The following PAFAH1B1 variants were observed in gnomAD, a reference collection of about 807,000 sequenced individuals.
The protein encoded by PAFAH1B1 is platelet activating factor acetylhydrolase 1b regulatory subunit 1.
Under a neutral mutation model 57.5 loss-of-function variants are expected in PAFAH1B1, and 2 were observed. The ratio of observed to expected loss-of-function variants is 0.03; its 90% confidence interval spans 0.01 to 0.11. The LOEUF is 0.11. Ranked by LOEUF, PAFAH1B1 falls within the 10% of genes least tolerant of loss-of-function variation. The pLI, the probability that PAFAH1B1 is intolerant of heterozygous loss-of-function variation, is 1.00. For synonymous variants in PAFAH1B1, 152 were observed against 169.6 expected, an observed-to-expected ratio of 0.90 and a Z score of 0.81; for missense variants, 257 against 512.0, an observed-to-expected ratio of 0.50 and a Z score of 4.81.
chr17:2,638,215 G>C lies in PAFAH1B1; in HGVS notation c.-74G>C. 1 of 1,223,046 alleles carries C rather than the reference G, an allele frequency of 8.2e-7. No homozygotes were observed. The highest frequency in any genetic ancestry group is 1.2e-6 in the Non-Finnish European group (1 of 832,948). 75.8% of individuals were successfully genotyped at this position (1,223,046 alleles called of 1,614,324 possible). On this transcript the variant is annotated 5_prime_UTR_variant, in exon 2 of 11. Transcript: ENST00000397195. ...TGGCATATTTAAATTATAAGTCCAC[G>C]GATCAAAAAGCTTTTTGATTTCCCA...
chr17:2,632,963 T>A (rs1368270701), intron 1 of PAFAH1B1, among the ~76,000 whole-genome samples: 1 of 152,134 alleles, frequency 6.6e-6, no homozygotes, highest in Non-Finnish European at 1.5e-5. Flanking sequence ...GTTTGATTTT[T>A]GTGGCAAGAA....
chr17:2,683,719 A>G lies in PAFAH1B1; in HGVS notation c.*1917A>G, dbSNP rs1419380409. ...ATTTTCAGGACAATATTGCCTCACAACCCTGCTTACATTGAAAAGTCTTTT... is the reference window on the plus strand; with the variant it reads ...ATTTTCAGGACAATATTGCCTCACAGCCCTGCTTACATTGAAAAGTCTTTT... On this transcript the variant is annotated 3_prime_UTR_variant, in exon 11 of 11. Transcript: ENST00000397195. 4 of 152,542 alleles carry G rather than the reference A, an allele frequency of 2.6e-5. No individual in the cohort carries two copies. The highest frequency in any genetic ancestry group is 2.0e-4 in the Admixed American group (3 of 15,278). 9.4% of individuals were successfully genotyped at this position (152,542 alleles called of 1,614,324 possible).
intron 1 of PAFAH1B1, among the ~76,000 whole-genome samples, chr17:2,630,230 T>C (rs1322439888): frequency 6.6e-6 from 1 of 152,200 alleles, no homozygotes; most frequent in Non-Finnish European, 1.5e-5. Flanking sequence ...TTAAAGAGGT[T>C]CTGTTTTGAT....
At chr17:2,659,489 C>T (rs1228546456) in intron 2 of PAFAH1B1, 1 of 189,436 alleles carries the variant, frequency 5.3e-6, no homozygotes, top group East Asian at 1.8e-4. Context: ...CCACTGCATT[C>T]CAGCCTGGCG....
intron 2 of PAFAH1B1, among the ~76,000 whole-genome samples, chr17:2,646,158 G>A (rs1206831498): frequency 6.6e-6 from 1 of 151,966 alleles, no homozygotes; most frequent in East Asian, 1.9e-4. Flanking sequence ...ATAAATAAAA[G>A]CAGACCTTAA....
intron 7 of PAFAH1B1, 32 bp downstream of exon 7, chr17:2,672,789 G>T (rs776762101): frequency 1.5e-6 from 2 of 1,371,468 alleles, no homozygotes; most frequent in Non-Finnish European, 1.0e-6. Context: ...GGCATCAGCG[G>T]CCAGGTGCAG....
chr17:2,676,442 C>A, intron 8 of PAFAH1B1, 63 bp from the exon 9 acceptor site: 2 of 964,420 alleles, frequency 2.1e-6, no homozygotes, highest in Non-Finnish European at 3.4e-6. Context: ...TAGATAGAAG[C>A]CATTTAAAGT....
intron 5 of PAFAH1B1, among the ~76,000 whole-genome samples, chr17:2,667,840 A>C (rs889731569): frequency 6.6e-6 from 1 of 151,774 alleles, no homozygotes; most frequent in Non-Finnish European, 1.5e-5. Flanking sequence ...ATTACCTTTT[A>C]ATGTTGTGCT....
At chr17:2,668,141 A>G (rs891223348) in intron 5 of PAFAH1B1, among the ~76,000 whole-genome samples, 1 of 151,786 alleles carries the variant, frequency 6.6e-6, no homozygotes, top group Non-Finnish European at 1.5e-5. Flanking sequence ...CCTGAGCAAC[A>G]CGGAGAAACC....
intron 1 of PAFAH1B1, among the ~76,000 whole-genome samples, chr17:2,606,886 G>A (rs1001939395): frequency 3.5e-5 from 5 of 142,458 alleles, no homozygotes; most frequent in East Asian, 4.2e-4. Context: ...GTGCAGTGGC[G>A]CAATCTCAGC....
chr17:2,636,000 G>A (rs1013278062), intron 1 of PAFAH1B1, among the ~76,000 whole-genome samples: 1 of 151,162 alleles, frequency 6.6e-6, no homozygotes, highest in African/African-American at 2.4e-5. Context: ...GCACATGCCT[G>A]TATTCTTAGC....
At chr17:2,631,785 G>C (rs757298634) in intron 1 of PAFAH1B1, among the ~76,000 whole-genome samples, 1 of 152,198 alleles carries the variant, frequency 6.6e-6, no homozygotes. Context: ...CAGTGGATCT[G>C]GAGCTAAAAT....
At chr17:2,676,033 C>T (rs1010498941) in intron 8 of PAFAH1B1, among the ~76,000 whole-genome samples, 3 of 152,134 alleles carry the variant, frequency 2.0e-5, no homozygotes, top group African/African-American at 4.8e-5. Flanking sequence ...TGAGTCCTTC[C>T]TGTGTAGCAT....
chr17:2,606,002 A>G (rs1336736502), intron 1 of PAFAH1B1, among the ~76,000 whole-genome samples: 30 of 152,314 alleles, frequency 2.0e-4, no homozygotes, highest in Admixed American at 2.0e-3. Flanking sequence ...AAAAGTACAA[A>G]AGTGAAATTA....
At chr17:2,636,714 G>C (rs940689447) in intron 1 of PAFAH1B1, among the ~76,000 whole-genome samples, 1 of 152,022 alleles carries the variant, frequency 6.6e-6, no homozygotes, top group Non-Finnish European at 1.5e-5. Flanking sequence ...GCTCATATTT[G>C]AAACCCGAAG....
intron 9 of PAFAH1B1, among the ~76,000 whole-genome samples, chr17:2,676,932 G>T (rs1252661316): frequency 6.6e-6 from 1 of 152,164 alleles, no homozygotes; most frequent in African/African-American, 2.4e-5. Context: ...GGAGGCCGAG[G>T]CGGGTGGATC....
At chr17:2,595,438 G>C (rs1190249323) in intron 1 of PAFAH1B1, among the ~76,000 whole-genome samples, 1 of 57,944 alleles carries the variant, frequency 1.7e-5, no homozygotes. Context: ...TTTTTTTTTT[G>C]CTGCAGCAGG....
intron 2 of PAFAH1B1, among the ~76,000 whole-genome samples, chr17:2,661,603 G>C (rs1279627486): frequency 6.6e-6 from 1 of 152,124 alleles, no homozygotes; most frequent in Non-Finnish European, 1.5e-5. Flanking sequence ...TACGTGTGAT[G>C]CCTCCAGCTT....
intron 2 of PAFAH1B1, among the ~76,000 whole-genome samples, chr17:2,652,289 C>CAT (rs1555525014): frequency 6.6e-6 from 1 of 152,046 alleles, no homozygotes; most frequent in Non-Finnish European, 1.5e-5. Flanking sequence ...GTGGCGGGTG[C>CAT]CTGTAGTCCC....
Sources: allele counts gnomAD v4.1 joint callset (sites outside exome capture counted in the v4.1 genomes callset), GRCh38; gene constraint gnomAD v4.1.1; transcripts MANE v1.5; gene names NCBI Gene and HGNC (gene_info 2026-07-23, HGNC 2026-07-21).